PLCL1: variants seen among roughly 807,000 people sequenced by gnomAD.
PLCL1 encodes the protein inactive phospholipase C-like protein 1.
A neutral mutation model predicts 84.4 loss-of-function variants in PLCL1; 41 were observed. The observed-to-expected ratio is 0.49, with a 90% CI of 0.38 to 0.63. PLCL1 has a LOEUF of 0.63. Ranked by LOEUF, PLCL1 falls within the 30% of genes least tolerant of loss-of-function variation. The probability of loss-of-function intolerance (pLI) is 0.00; values close to 1 mark genes in which losing one functional copy is unlikely to be tolerated. For synonymous variants in PLCL1, 490 were observed against 488.3 expected, an observed-to-expected ratio of 1.00 and a Z score of -0.05; for missense variants, 1,206 against 1,367.8, an observed-to-expected ratio of 0.88 and a Z score of 1.87.
At chr2:198,063,577 A>G (rs1379001176) in intron 1 of PLCL1, among the ~76,000 whole-genome samples, 2 of 152,224 alleles carry the variant, frequency 1.3e-5, no homozygotes, top group Non-Finnish European at 2.9e-5. Flanking sequence ...TACTGAAAAG[A>G]GGAAAATAAT....
chr2:197,939,801 G>A (rs1039981131), intron 1 of PLCL1, among the ~76,000 whole-genome samples: 6 of 150,362 alleles, frequency 4.0e-5, no homozygotes, highest in Non-Finnish European at 7.4e-5. Flanking sequence ...TTTTTAATCG[G>A]CCACTGTCTT....
At position 198,055,521 on chromosome 2, in the gene PLCL1, G is replaced by GC. The variant is rs35503807; in HGVS notation, c.241-28237_241-28236insC. Among the ~76,000 whole-genome samples, 454 of 144,782 alleles carry GC rather than the reference G, an allele frequency of 3.1e-3. 4 individuals are homozygous for GC. Among genetic ancestry groups the GC allele is most frequent in the Middle Eastern group, 0.011 (3 of 284 alleles). The allele number at this position is 144,782 out of a possible 152,430, so 95.0% of individuals were successfully genotyped here. A position where few individuals can be genotyped will look rare whatever the true frequency, so the allele number is the denominator to read the frequency against. ...TGTAGTTTCTCAAACCTTTTATTTT[G>GC]TTTTTTTTTTTTCAACTCTGAGTGA... On this transcript the variant is annotated intron_variant, in intron 1 of 5. Coordinates refer to ENST00000428675, the MANE Select transcript of PLCL1 (RefSeq NM_006226.4).
chr2:198,089,631 T>A lies in PLCL1; in HGVS notation c.2919+570T>A, dbSNP rs544612820. On this transcript the variant is annotated intron_variant, in intron 3 of 5. Transcript: ENST00000428675. ...ATAGATCATGTTTGCTTTTATTTCA[T>A]CAGCCTGGAGTTGACATATAGCCAC... is the stretch of plus-strand genomic sequence containing the variant. Among the ~76,000 whole-genome samples, 159 of 152,318 alleles carry A rather than the reference T, an allele frequency of 1.0e-3. 1 individual carries two copies. The highest frequency in any genetic ancestry group is 3.8e-3 in the African/African-American group (156 of 41,572).
chr2:198,135,200 G>T (rs576185149), intron 5 of PLCL1, among the ~76,000 whole-genome samples: 19 of 152,256 alleles, frequency 1.2e-4, no homozygotes, highest in African/African-American at 4.6e-4. Flanking sequence ...GACACTCATG[G>T]CGGTAGTATG....
intron 1 of PLCL1, among the ~76,000 whole-genome samples, chr2:197,821,828 CTG>C (rs1690823647): frequency 6.6e-6 from 1 of 152,086 alleles, no homozygotes; most frequent in Non-Finnish European, 1.5e-5. Context: ...CAAGAGGAGA[CTG>C]TAAGTTTTTG....
At chr2:197,894,164 A>G (rs1359497097) in intron 1 of PLCL1, among the ~76,000 whole-genome samples, 1 of 151,924 alleles carries the variant, frequency 6.6e-6, no homozygotes, top group Non-Finnish European at 1.5e-5. Flanking sequence ...TCCCCTGTCC[A>G]TGCCCCGTTC....
intron 1 of PLCL1, among the ~76,000 whole-genome samples, chr2:197,859,693 C>G (rs1273709686): frequency 6.6e-6 from 1 of 152,120 alleles, no homozygotes; most frequent in African/African-American, 2.4e-5. Context: ...CAAATACTTA[C>G]TATTGTGTTA....
chr2:198,094,913 T>G (rs1409494455), intron 3 of PLCL1, among the ~76,000 whole-genome samples: 1 of 152,140 alleles, frequency 6.6e-6, no homozygotes, highest in Non-Finnish European at 1.5e-5. Flanking sequence ...ATGACTTTGC[T>G]GATATAAAAC....
rs869135841 is a variant in PLCL1 at position 197,939,717 on chromosome 2, CTT to C, written c.240+134398_240+134399del. Among the ~76,000 whole-genome samples, 417 of 112,150 alleles carry C rather than the reference CTT, an allele frequency of 3.7e-3. 4 individuals carry two copies. Among genetic ancestry groups the C allele is most frequent in the African/African-American group, 0.013 (390 of 29,612 alleles). The allele number at this position is 112,150 out of a possible 152,430, so 73.6% of individuals were successfully genotyped here. ...TACTGGGGATTGGGACTTCAACAGACTTTTTTTTTTTTTTTTTTTTTGGCAGA... is the reference window on the plus strand; with the variant it reads ...TACTGGGGATTGGGACTTCAACAGACTTTTTTTTTTTTTTTTTTTGGCAGA... On this transcript the variant is annotated intron_variant, in intron 1 of 5. Coordinates refer to ENST00000428675, the MANE Select transcript of PLCL1 (RefSeq NM_006226.4).
At chr2:198,116,573 A>G (rs1176329816) in intron 5 of PLCL1, among the ~76,000 whole-genome samples, 4 of 152,054 alleles carry the variant, frequency 2.6e-5, no homozygotes, top group Admixed American at 2.6e-4. Flanking sequence ...AACTCTTCAG[A>G]TAACTACTTG....
intron 1 of PLCL1, among the ~76,000 whole-genome samples, chr2:198,023,637 T>C (rs1435654586): frequency 6.6e-6 from 1 of 152,216 alleles, no homozygotes; most frequent in Non-Finnish European, 1.5e-5. Flanking sequence ...CCAATGAACA[T>C]ATTTTAAAAA....
At chr2:198,014,047 G>C (rs528456959) in intron 1 of PLCL1, among the ~76,000 whole-genome samples, 1 of 152,180 alleles carries the variant, frequency 6.6e-6, no homozygotes, top group Admixed American at 6.6e-5. Flanking sequence ...CTAGGTAAAA[G>C]AATGTGAATG....
At chr2:198,059,069 C>T (rs1242012342) in intron 1 of PLCL1, among the ~76,000 whole-genome samples, 1 of 152,106 alleles carries the variant, frequency 6.6e-6, no homozygotes, top group Non-Finnish European at 1.5e-5. Flanking sequence ...AATTACTACC[C>T]CCTGAACACT....
At chr2:197,938,140 G>A (rs2105771668) in intron 1 of PLCL1, among the ~76,000 whole-genome samples, 1 of 152,264 alleles carries the variant, frequency 6.6e-6, no homozygotes, top group East Asian at 1.9e-4. Flanking sequence ...CAGTCTTCAT[G>A]AGTCAATAAT....
At chr2:197,809,940 C>T (rs1250383137) in intron 1 of PLCL1, among the ~76,000 whole-genome samples, 1 of 151,940 alleles carries the variant, frequency 6.6e-6, no homozygotes, top group Non-Finnish European at 1.5e-5. Flanking sequence ...TAGATTGACC[C>T]AGGAATTAAT....
At chr2:197,846,931 T>C (rs1305012724) in intron 1 of PLCL1, among the ~76,000 whole-genome samples, 4 of 152,172 alleles carry the variant, frequency 2.6e-5, no homozygotes. Context: ...GTATTGCTGA[T>C]ATGAGACTTG....
chr2:198,045,798 A>G (rs555865782), intron 1 of PLCL1, among the ~76,000 whole-genome samples: 8 of 152,350 alleles, frequency 5.3e-5, no homozygotes, highest in African/African-American at 1.7e-4. Context: ...GAAAATTGTC[A>G]ATAATAGCAT....
intron 1 of PLCL1, among the ~76,000 whole-genome samples, chr2:197,991,226 A>T (rs995042997): frequency 6.6e-6 from 1 of 152,090 alleles, no homozygotes; most frequent in Non-Finnish European, 1.5e-5. Context: ...GGGACCTCTC[A>T]TCTCATCTTC....
At chr2:197,996,738 C>A (rs1408295464) in intron 1 of PLCL1, among the ~76,000 whole-genome samples, 1 of 152,166 alleles carries the variant, frequency 6.6e-6, no homozygotes, top group Non-Finnish European at 1.5e-5. Flanking sequence ...TAACACTCCC[C>A]TCACAGAGAA....
Sources: gnomAD v4.1 joint callset for allele counts (sites outside exome capture counted in the v4.1 genomes callset) on GRCh38, gnomAD v4.1.1 for gene constraint, MANE v1.5 for transcripts, NCBI Gene and HGNC (gene_info 2026-07-23, HGNC 2026-07-21) for gene names.